Variants in STK32B observed in about 807,000 individuals in gnomAD.
The protein encoded by STK32B is serine/threonine-protein kinase 32B.
In STK32B, 43 loss-of-function variants were observed where a neutral mutation model predicts 52.6. The observed-to-expected ratio is 0.82, with a 90% CI of 0.64 to 1.05. The LOEUF is 1.05. Among genes scored for constraint, STK32B ranks in the 50% least tolerant of loss-of-function variants. STK32B has a pLI of 0.00. For missense variants in STK32B, 621 were observed against 534.6 expected (o/e 1.16, Z -1.59); for synonymous variants, 238 against 204.3 (o/e 1.17, Z -1.41).
intron 4 of STK32B, among the ~76,000 whole-genome samples, chr4:5,360,413 A>G (rs184655920): frequency 1.9e-3 from 293 of 152,270 alleles, no homozygotes; most frequent in Non-Finnish European, 2.0e-3. Flanking sequence ...TGAGAGGGAA[A>G]GCCCTATGTC....
intron 4 of STK32B, among the ~76,000 whole-genome samples, chr4:5,376,405 C>T (rs1365947915): frequency 6.6e-6 from 1 of 151,690 alleles, no homozygotes; most frequent in East Asian, 1.9e-4. Flanking sequence ...CTCTCTCTTT[C>T]TCTCTCTCTC....
At chr4:5,247,275 G>A (rs1725526895) in intron 3 of STK32B, among the ~76,000 whole-genome samples, 1 of 152,170 alleles carries the variant, frequency 6.6e-6, no homozygotes, top group African/African-American at 2.4e-5. Context: ...AGCAATGGTG[G>A]GTGCCCCTCC....
At chr4:5,327,454 A>G (rs536738490) in intron 3 of STK32B, among the ~76,000 whole-genome samples, 55 of 152,002 alleles carry the variant, frequency 3.6e-4, no homozygotes, top group Non-Finnish European at 7.5e-4. Context: ...TTACTTCTTT[A>G]TCCATTAGCT....
chr4:5,256,729 C>A (rs928114620), intron 3 of STK32B, among the ~76,000 whole-genome samples: 19 of 152,192 alleles, frequency 1.2e-4, no homozygotes, highest in African/African-American at 3.9e-4. Flanking sequence ...GTTCCTGAAG[C>A]CTTTTATTAG....
intron 1 of STK32B, among the ~76,000 whole-genome samples, chr4:5,081,332 G>T (rs982955956): frequency 1.3e-5 from 2 of 152,090 alleles, no homozygotes; most frequent in African/African-American, 2.4e-5. Flanking sequence ...TGATTGCAAT[G>T]TGTTTTTGTA....
In STK32B at chr4:5,467,951, G is replaced by A. The variant is rs373884924; in HGVS notation, c.1042-55G>A. The A allele has an allele frequency of 4.2e-5, 67 of 1,599,122 alleles. No homozygotes were observed. The highest frequency in any genetic ancestry group is 1.7e-4 in the South Asian group (15 of 90,764). ...TGCCGTCCTGTGATGCTCCATTACC[G>A]CGCGTCCCCGGACCGTGCTTTGTCA... On this transcript the variant is annotated intron_variant, in intron 10 of 11. Transcript: ENST00000282908. This position sits in a 1 kb window ranked among gnomAD's most constrained non-coding sequence, Gnocchi z 5.8.
chr4:5,262,122 C>T (rs1726749577), intron 3 of STK32B, among the ~76,000 whole-genome samples: 1 of 150,428 alleles, frequency 6.6e-6, no homozygotes, highest in East Asian at 1.9e-4. Context: ...TGTTTGTCCA[C>T]TCTCTCTGTT....
chr4:5,156,203 T>C (rs573531687), intron 2 of STK32B, among the ~76,000 whole-genome samples: 1 of 151,978 alleles, frequency 6.6e-6, no homozygotes, highest in South Asian at 2.1e-4. Flanking sequence ...GGTCTATATG[T>C]ACATACACTT....
chr4:5,131,580 C>G (rs1715778678), intron 1 of STK32B, among the ~76,000 whole-genome samples: 1 of 152,196 alleles, frequency 6.6e-6, no homozygotes, highest in Non-Finnish European at 1.5e-5. Context: ...GGCTTTCCCA[C>G]TTTCTCTCCT....
chr4:5,317,214 CATATATATATTAT>C (rs1560313273), intron 3 of STK32B, among the ~76,000 whole-genome samples: 1 of 40,652 alleles, frequency 2.5e-5, no homozygotes, highest in Non-Finnish European at 3.5e-5. Context: ...ATATATATAA[CATATATATATTAT>C]ATATAACATA....
chr4:5,156,039 C>A (rs1046740578), intron 2 of STK32B, among the ~76,000 whole-genome samples: 1 of 151,664 alleles, frequency 6.6e-6, no homozygotes, highest in African/African-American at 2.4e-5. Flanking sequence ...CCTATAGATC[C>A]ACCACAAAAC....
the STK32B span, among the ~76,000 whole-genome samples, chr4:5,025,833 A>G: frequency 1.3e-5 from 2 of 152,208 alleles, no homozygotes; most frequent in African/African-American, 4.8e-5. Flanking sequence ...GTGATCACAC[A>G]TATTGGCCTA....
chr4:5,049,443 C>T (rs1741675537), upstream of STK32B, among the ~76,000 whole-genome samples: 1 of 152,066 alleles, frequency 6.6e-6, no homozygotes, highest in African/African-American at 2.4e-5. Flanking sequence ...CGGGCTGAGT[C>T]CGAAAAGAGA....
upstream of STK32B, among the ~76,000 whole-genome samples, chr4:5,050,874 C>G (rs971091127): frequency 7.7e-4 from 118 of 152,270 alleles, no homozygotes; most frequent in African/African-American, 2.6e-3. Context: ...CGATGCCGCC[C>G]AATTTTGGGG....
At position 5,399,940 on chromosome 4, in the gene STK32B, T is replaced by A. The variant is rs974928509; in HGVS notation, c.472+1696T>A. Among the ~76,000 whole-genome samples the A allele has an allele frequency of 6.6e-6, 1 of 152,028 alleles. No homozygotes were observed. The highest frequency in any genetic ancestry group is 2.4e-5 in the African/African-American group (1 of 41,292). ...AACACAGAGGCTGGTTCTGCTTAGC[T>A]GTCTGGAAAGCAGGGGTCTGGAAGG... On this transcript the variant is annotated intron_variant, in intron 5 of 11. Transcript: ENST00000282908. The surrounding 1 kb of genome is among the most constrained non-coding windows in gnomAD (Gnocchi z 5.4).
At chr4:5,416,397 A>G (rs181954141) in intron 5 of STK32B, among the ~76,000 whole-genome samples, 1 of 152,098 alleles carries the variant, frequency 6.6e-6, no homozygotes, top group Admixed American at 6.5e-5. Context: ...TAAATTCCTC[A>G]ATTACAGTAC....
chr4:5,129,236 TTATTA>T (rs1377601810), intron 1 of STK32B, among the ~76,000 whole-genome samples: 1 of 152,206 alleles, frequency 6.6e-6, no homozygotes. Flanking sequence ...TCATTTTATT[TTATTA>T]TATTTTTCCC....
chr4:5,317,108 T>C (rs1188777207), intron 3 of STK32B, among the ~76,000 whole-genome samples: 6 of 39,162 alleles, frequency 1.5e-4, no homozygotes, highest in Non-Finnish European at 2.2e-4. Flanking sequence ...ATATAATATA[T>C]AATATATATA....
intron 1 of STK32B, among the ~76,000 whole-genome samples, chr4:5,056,870 C>T (rs1742027822): frequency 1.3e-5 from 2 of 152,130 alleles, no homozygotes; most frequent in Admixed American, 1.3e-4. Flanking sequence ...ATTGGAGTAT[C>T]AACGGAAAAA....
Sources: allele counts gnomAD v4.1 joint callset (sites outside exome capture counted in the v4.1 genomes callset), GRCh38; gene constraint gnomAD v4.1.1; non-coding constraint Gnocchi (gnomAD v3.1); transcripts MANE v1.5; gene names NCBI Gene and HGNC (gene_info 2026-07-23, HGNC 2026-07-21).